TMEM231: variants seen among roughly 807,000 people sequenced by gnomAD.
TMEM231 encodes the protein transmembrane protein 231.
A neutral mutation model predicts 38.5 loss-of-function variants in TMEM231; 40 were observed. That is an observed-to-expected ratio of 1.04 (90% CI 0.81 to 1.35). TMEM231 has a LOEUF of 1.35. Ranked by LOEUF, TMEM231 falls within the 40% of genes most tolerant of loss-of-function variation. The probability of loss-of-function intolerance (pLI) is 0.00; values close to 1 mark genes in which losing one functional copy is unlikely to be tolerated. For missense variants in TMEM231, 420 were observed against 416.9 expected, an observed-to-expected ratio of 1.01 and a Z score of -0.07; for synonymous variants, 199 against 181.7, an observed-to-expected ratio of 1.10 and a Z score of -0.77.
rs1033599437 is a variant in TMEM231 at position 75,555,176 on chromosome 16, C to G, written c.309+628G>C. On this transcript the variant is annotated intron_variant, in intron 2 of 6. Coordinates refer to ENST00000258173, the MANE Select transcript of TMEM231 (RefSeq NM_001077418.3). The stretch of plus-strand genomic sequence containing the variant: ...TAAATTACAGATTCCTCTCAGCGCT[C>G]TACTGGTGAAAAAATTTAAAAATAA... 2.0e-5 allele frequency: 3 copies of G among 152,188 alleles called. 1 individual carries two copies. Among genetic ancestry groups the G allele is most frequent in the Non-Finnish European group, 4.4e-5 (3 of 68,028 alleles). 9.4% of individuals were successfully genotyped at this position (152,188 alleles called of 1,614,324 possible).
chr16:75,549,419 T>G lies in TMEM231; in HGVS notation c.310-3465A>C, dbSNP rs80030546. Among the ~76,000 whole-genome samples, 345 of 152,314 alleles carry G rather than the reference T, an allele frequency of 2.3e-3. 1 individual carries two copies. Among genetic ancestry groups the G allele is most frequent in the East Asian group, 0.017 (89 of 5,188 alleles). On this transcript the variant is annotated intron_variant, in intron 2 of 6. Coordinates refer to ENST00000258173, the MANE Select transcript of TMEM231 (RefSeq NM_001077418.3). The stretch of plus-strand genomic sequence containing the variant: ...TACAGGCTTTGGAACAATTTTTATA[T>G]CCATTCATTGTCCCACGTGATTCCT...
chr16:75,556,157 C>A lies in TMEM231; in HGVS notation c.53G>T (p.Gly18Val). ...SHPVERSYRA[G>V]LCSKAALFLL... ...GAACAGCGCGGCTTTGGAGCAGAGCCCCGCGCGGTAACTGCGCTCGACCGG... is the reference window on the plus strand; with the variant it reads ...GAACAGCGCGGCTTTGGAGCAGAGCACCGCGCGGTAACTGCGCTCGACCGG... The change falls in exon 1 of 7, where the codon GGG (glycine) becomes GTG (valine). Residue 18 changes from glycine (G) to valine (V), a missense_variant. Coordinates refer to ENST00000258173, the MANE Select transcript of TMEM231 (RefSeq NM_001077418.3). 6.4e-7 allele frequency: 1 copy of A among 1,555,974 alleles called. No individual in the cohort carries two copies. The highest frequency in any genetic ancestry group is 8.7e-7 in the Non-Finnish European group (1 of 1,153,914).
Position 75,538,307 on chromosome 16 carries a change from A to T in TMEM231, c.*1687T>A, listed in dbSNP as rs2080581539. 6.6e-6 allele frequency: 1 copy of T among 152,166 alleles called. No individual in the cohort carries two copies. The highest frequency in any genetic ancestry group is 1.5e-5 in the Non-Finnish European group (1 of 68,030). The allele number at this position is 152,166 out of a possible 1,614,324, so 9.4% of individuals were successfully genotyped here. ...GGAATGAACCACCATGCTCGGCCTC[A>T]TTTTGAACATTTTAATTAGAAAGTT... On this transcript the variant is annotated 3_prime_UTR_variant, in exon 7 of 7. Transcript: ENST00000258173.
chr16:75,554,119 T>C (rs2080787929), intron 2 of TMEM231, among the ~76,000 whole-genome samples: 1 of 152,220 alleles, frequency 6.6e-6, no homozygotes, highest in Admixed American at 6.5e-5. Flanking sequence ...ATTTTGGTTC[T>C]CAGTTTTCCT....
At chr16:75,540,221 G>C in intron 6 of TMEM231, 47 bp from the exon 7 acceptor site, 2 of 1,547,490 alleles carry the variant, frequency 1.3e-6, no homozygotes, top group Non-Finnish European at 8.7e-7. Flanking sequence ...TAAGTATGAA[G>C]AGAAAATCCA....
At chr16:75,553,560 T>G (rs1440910799) in intron 2 of TMEM231, among the ~76,000 whole-genome samples, 1 of 148,040 alleles carries the variant, frequency 6.8e-6, no homozygotes, top group African/African-American at 2.5e-5. Flanking sequence ...AGGCAGAGGT[T>G]GCAGTGAGCT....
rs1225142898 is a variant in TMEM231 at position 75,537,904 on chromosome 16, T to C, written c.*2090A>G. ...CAGTCATAATTATCCAACACGTAGATTTCACATGGCATGTGAATCCCACTG... is the reference window on the plus strand; with the variant it reads ...CAGTCATAATTATCCAACACGTAGACTTCACATGGCATGTGAATCCCACTG... On this transcript the variant is annotated 3_prime_UTR_variant, in exon 7 of 7. Coordinates refer to ENST00000258173, the MANE Select transcript of TMEM231 (RefSeq NM_001077418.3). The C allele has an allele frequency of 6.6e-6, 1 of 152,208 alleles. No homozygotes were observed. Among genetic ancestry groups the C allele is most frequent in the African/African-American group, 2.4e-5 (1 of 41,438 alleles). The allele number at this position is 152,208 out of a possible 1,614,324, so 9.4% of individuals were successfully genotyped here.
At position 75,540,041 on chromosome 16, in the gene TMEM231, C is replaced by T. The variant is rs774482599; in HGVS notation, c.904G>A (p.Val302Met). ...AAGTCTCCCCGGGGCGTCACTGTCACAGGAATGGTGGTCACCACCTGATTC... is the reference window on the plus strand; with the variant it reads ...AAGTCTCCCCGGGGCGTCACTGTCATAGGAATGGTGGTCACCACCTGATTC... ...FQNQVVTTIPVTVTPRGDLCK... is the reference protein window; with the variant it reads ...FQNQVVTTIPMTVTPRGDLCK... The change falls in exon 7 of 7, where the codon GTG (valine) becomes ATG (methionine). Residue 302 changes from valine to methionine, a missense_variant. Val to Met is a conservative substitution (Grantham distance 21). Coordinates refer to ENST00000258173, the MANE Select transcript of TMEM231 (RefSeq NM_001077418.3). 7 of 1,613,682 alleles carry T rather than the reference C, an allele frequency of 4.3e-6. No homozygotes were observed. In the Admixed American group the frequency reaches 5.0e-5, roughly 12 times the overall value.
At chr16:75,541,489 G>A (rs1289372529) in intron 5 of TMEM231, 34 bp from the exon 6 acceptor site, 1 of 1,438,198 alleles carries the variant, frequency 7.0e-7, no homozygotes, top group Non-Finnish European at 9.6e-7. Context: ...AACCACGATG[G>A]CTGTTTGACT....
At chr16:75,547,616 T>C (rs1222553253) in intron 2 of TMEM231, among the ~76,000 whole-genome samples, 1 of 151,874 alleles carries the variant, frequency 6.6e-6, no homozygotes, top group Non-Finnish European at 1.5e-5. Context: ...CCGTCTCTAC[T>C]AAAAATACAA....
chr16:75,537,277 C>T lies in TMEM231; in HGVS notation c.*2717G>A, dbSNP rs945138538. 1 of 148,148 alleles carries T rather than the reference C, an allele frequency of 6.8e-6. No homozygotes were observed. The highest frequency in any genetic ancestry group is 1.5e-5 in the Non-Finnish European group (1 of 67,526). 9.2% of individuals were successfully genotyped at this position (148,148 alleles called of 1,614,324 possible). A position where few individuals can be genotyped will look rare whatever the true frequency, so the allele number is the denominator to read the frequency against. On this transcript the variant is annotated 3_prime_UTR_variant, in exon 7 of 7. Coordinates refer to ENST00000258173, the MANE Select transcript of TMEM231 (RefSeq NM_001077418.3). ...CCCATACATATACCCCATGAGTCTA[C>T]AATAAAAGTTGGAAGGAAAAAAAAA...
intron 4 of TMEM231, 88 bp downstream of exon 4, chr16:75,545,264 A>G (rs1387928314): frequency 3.9e-6 from 6 of 1,531,572 alleles, no homozygotes; most frequent in Non-Finnish European, 5.3e-6. Context: ...CTGGCCTGAC[A>G]TTTCTACTTT....
intron 2 of TMEM231, among the ~76,000 whole-genome samples, chr16:75,546,317 G>T (rs916977545): frequency 6.6e-6 from 1 of 152,100 alleles, no homozygotes; most frequent in African/African-American, 2.4e-5. Flanking sequence ...GAAATTTTAA[G>T]TAGCATGTCA....
At chr16:75,544,122 A>G (rs770563685) in intron 4 of TMEM231, among the ~76,000 whole-genome samples, 1 of 152,246 alleles carries the variant, frequency 6.6e-6, no homozygotes, top group Non-Finnish European at 1.5e-5. Flanking sequence ...TTCATTATTT[A>G]AACAAGTATC....
intron 2 of TMEM231, among the ~76,000 whole-genome samples, chr16:75,552,657 C>A (rs2080776196): frequency 6.6e-6 from 1 of 152,002 alleles, no homozygotes; most frequent in South Asian, 2.1e-4. Flanking sequence ...TTGCTGATGC[C>A]CCTTCTTTTT....
intron 2 of TMEM231, among the ~76,000 whole-genome samples, chr16:75,550,680 TTTTG>T (rs2151706416): frequency 6.6e-6 from 1 of 152,210 alleles, no homozygotes; most frequent in South Asian, 2.1e-4. Context: ...TTGGTTTCTG[TTTTG>T]TTTGCGTACA....
intron 6 of TMEM231, among the ~76,000 whole-genome samples, chr16:75,540,918 A>T (rs2080619174): frequency 6.6e-6 from 1 of 152,232 alleles, no homozygotes; most frequent in Admixed American, 6.5e-5. Context: ...TAACCCTGTC[A>T]TGATTTCCAA....
chr16:75,552,536 T>C (rs1179248555), intron 2 of TMEM231, among the ~76,000 whole-genome samples: 2 of 152,220 alleles, frequency 1.3e-5, no homozygotes, highest in Non-Finnish European at 1.5e-5. Context: ...TTTGAAATTA[T>C]GGAGAGCTTT....
intron 2 of TMEM231, among the ~76,000 whole-genome samples, chr16:75,547,772 C>T (rs532463099): frequency 4.6e-5 from 7 of 151,532 alleles, no homozygotes; most frequent in South Asian, 2.1e-4. Flanking sequence ...AGCGAGACTC[C>T]ATCTCAAAAA....
Sources: gnomAD v4.1 joint callset for allele counts (sites outside exome capture counted in the v4.1 genomes callset) on GRCh38, gnomAD v4.1.1 for gene constraint, MANE v1.5 for transcripts, NCBI Gene and HGNC (gene_info 2026-07-23, HGNC 2026-07-21) for gene names.